GARIN1A: variants seen among roughly 807,000 people sequenced by gnomAD.
GARIN1A encodes golgi associated RAB2 interactor 1A.
At chr7:128,678,799 C>CAAAAAAA in the GARIN1A span, among the ~76,000 whole-genome samples, 1 of 80,656 alleles carries the variant, frequency 1.2e-5, no homozygotes. Flanking sequence ...AACTCCATCT[C>CAAAAAAA]AAAAAAAAAA....
the GARIN1A span, chr7:128,682,884 G>A: frequency 2.3e-4 from 273 of 1,196,590 alleles, 2 homozygotes; most frequent in Middle Eastern, 1.4e-3. Flanking sequence ...GCTGAAAGTG[G>A]TTTTTAAGTT....
chr7:128,677,334 C>T, the GARIN1A span, among the ~76,000 whole-genome samples: 1 of 151,242 alleles, frequency 6.6e-6, no homozygotes, highest in South Asian at 2.1e-4. Context: ...AGTGAAACCC[C>T]GTCTCTACTA....
At chr7:128,677,528 C>T in the GARIN1A span, 6 of 1,245,218 alleles carry the variant, frequency 4.8e-6, no homozygotes, top group African/African-American at 3.9e-5. Flanking sequence ...AAAGAAACCA[C>T]GGGCTCTCCC....
the GARIN1A span, chr7:128,693,857 T>A: frequency 5.7e-5 from 9 of 157,812 alleles, no homozygotes; most frequent in African/African-American, 2.2e-4. Context: ...GTCACCTGGG[T>A]CGGCTCATCC....
At chr7:128,693,908 A>G in the GARIN1A span, 1 of 154,056 alleles carries the variant, frequency 6.5e-6, no homozygotes, top group African/African-American at 2.4e-5. Context: ...GGGGAGTGCA[A>G]TGACTTCGAT....
At chr7:128,705,028 C>T in the GARIN1A span, among the ~76,000 whole-genome samples, 1 of 152,198 alleles carries the variant, frequency 6.6e-6, no homozygotes, top group Non-Finnish European at 1.5e-5. Context: ...ATGGAGCTTT[C>T]TGTCTTCTTT....
At chr7:128,674,426 A>G in the GARIN1A span, among the ~76,000 whole-genome samples, 1 of 152,172 alleles carries the variant, frequency 6.6e-6, no homozygotes, top group South Asian at 2.1e-4. Context: ...CACACAGTCC[A>G]AAGTTTACTT....
At chr7:128,687,581 T>A in the GARIN1A span, 1 of 152,198 alleles carries the variant, frequency 6.6e-6, no homozygotes, top group Non-Finnish European at 1.5e-5. Context: ...TAATAACAAA[T>A]TTCCATGGCA....
chr7:128,699,260 GCCCC>G, the GARIN1A span, among the ~76,000 whole-genome samples: 1 of 105,014 alleles, frequency 9.5e-6, no homozygotes, highest in African/African-American at 3.5e-5. Flanking sequence ...CATACCTGCT[GCCCC>G]CCCCCCCCCA....
chr7:128,689,603 CCCCGTCTG>C, the GARIN1A span, among the ~76,000 whole-genome samples: 1 of 142,434 alleles, frequency 7.0e-6, no homozygotes, highest in Non-Finnish European at 1.6e-5. Context: ...CCGGCAGCCG[CCCCGTCTG>C]AGAAGTGAGG....
chr7:128,679,005 C>CG, the GARIN1A span, among the ~76,000 whole-genome samples: 2 of 150,746 alleles, frequency 1.3e-5, no homozygotes, highest in African/African-American at 4.9e-5. Flanking sequence ...TACATATATA[C>CG]TTATGTAACG....
the GARIN1A span, among the ~76,000 whole-genome samples, chr7:128,700,545 G>C: frequency 2.0e-5 from 3 of 152,162 alleles, no homozygotes; most frequent in East Asian, 5.8e-4. Context: ...CTCCCCAAGT[G>C]CTGGGATTAC....
the GARIN1A span, among the ~76,000 whole-genome samples, chr7:128,692,809 C>T: frequency 3.9e-5 from 6 of 152,164 alleles, no homozygotes; most frequent in African/African-American, 1.4e-4. Context: ...TGTATAGAAA[C>T]GCGTGGTTCT....
chr7:128,688,056 G>A, the GARIN1A span, among the ~76,000 whole-genome samples: 35 of 150,722 alleles, frequency 2.3e-4, 1 homozygote, highest in Middle Eastern at 6.8e-3. Flanking sequence ...TTGCTCTGTC[G>A]CCCAGGCTGG....
At chr7:128,675,058 G>T in the GARIN1A span, among the ~76,000 whole-genome samples, 1 of 152,146 alleles carries the variant, frequency 6.6e-6, no homozygotes, top group African/African-American at 2.4e-5. Flanking sequence ...GTGCTTTTCT[G>T]CCAGCCGTGC....
chr7:128,680,976 G>C, the GARIN1A span, among the ~76,000 whole-genome samples: 1 of 152,240 alleles, frequency 6.6e-6, no homozygotes, highest in South Asian at 2.1e-4. Context: ...ACAAGTAATA[G>C]AAACTCAAAG....
At chr7:128,672,531 T>C in the GARIN1A span, 1 of 1,610,258 alleles carries the variant, frequency 6.2e-7, no homozygotes, top group Non-Finnish European at 8.5e-7. Flanking sequence ...TCGGTGGTGT[T>C]TGAAAGCAAC....
the GARIN1A span, chr7:128,687,573 AT>A: frequency 6.6e-6 from 1 of 152,242 alleles, no homozygotes; most frequent in African/African-American, 2.4e-5. Flanking sequence ...GTGGCTGATA[AT>A]AACAAATTTC....
At chr7:128,672,349 C>A in the GARIN1A span, 1 of 1,514,692 alleles carries the variant, frequency 6.6e-7, no homozygotes, top group Non-Finnish European at 9.0e-7. Context: ...TGGGCTGGGT[C>A]GGCGTGGAGC....
Sources: allele counts gnomAD v4.1 joint callset (sites outside exome capture counted in the v4.1 genomes callset), GRCh38; gene constraint gnomAD v4.1.1; transcripts MANE v1.5; gene names NCBI Gene and HGNC (gene_info 2026-07-23, HGNC 2026-07-21).